Variants in SCG5 observed in about 807,000 individuals in gnomAD.
The protein encoded by SCG5 is neuroendocrine protein 7B2.
Under a neutral mutation model 25.7 loss-of-function variants are expected in SCG5, and 18 were observed. The observed-to-expected ratio is 0.70, with a 90% CI of 0.48 to 1.04. SCG5 has a LOEUF of 1.04. SCG5 is among the 50% of genes least tolerant of loss of function. SCG5 has a pLI of 0.00. For synonymous variants in SCG5, 101 were observed against 91.7 expected (o/e 1.10, Z -0.58); for missense variants, 206 against 259.8 (o/e 0.79, Z 1.42).
At chr15:32,669,869 GAAAA>G (rs150586292) in intron 2 of SCG5, among the ~76,000 whole-genome samples, 4 of 141,492 alleles carry the variant, frequency 2.8e-5, no homozygotes, top group Non-Finnish European at 6.2e-5. Flanking sequence ...CACCGCTTCA[GAAAA>G]AAAAAAAAAT....
At chr15:32,674,874 A>G (rs1346937850) in intron 2 of SCG5, among the ~76,000 whole-genome samples, 1 of 152,208 alleles carries the variant, frequency 6.6e-6, no homozygotes, top group Non-Finnish European at 1.5e-5. Flanking sequence ...GCAGATTTTT[A>G]TGGAGGGTTC....
At chr15:32,677,242 C>A (rs1265914541) in intron 2 of SCG5, among the ~76,000 whole-genome samples, 1 of 152,124 alleles carries the variant, frequency 6.6e-6, no homozygotes, top group Non-Finnish European at 1.5e-5. Context: ...GTAAACAAAA[C>A]AAGCGAACAA....
At chr15:32,693,162 C>G (rs746651962) in intron 5 of SCG5, among the ~76,000 whole-genome samples, 5 of 152,156 alleles carry the variant, frequency 3.3e-5, no homozygotes, top group Non-Finnish European at 5.9e-5. Flanking sequence ...AGAGCAATGA[C>G]TGACCCAAAA....
At chr15:32,653,705 TTTCTC>T (rs1367862607) in intron 2 of SCG5, among the ~76,000 whole-genome samples, 17 of 152,334 alleles carry the variant, frequency 1.1e-4, no homozygotes, top group African/African-American at 4.1e-4. Flanking sequence ...ACCTCAGTCT[TTTCTC>T]TTAACGTCTT....
At chr15:32,655,839 C>T (rs1213376082) in intron 2 of SCG5, among the ~76,000 whole-genome samples, 2 of 152,210 alleles carry the variant, frequency 1.3e-5, no homozygotes, top group Non-Finnish European at 2.9e-5. Context: ...ACTTCCCAGC[C>T]CCACAACTGT....
chr15:32,671,193 CTT>C (rs1419397516), intron 2 of SCG5, among the ~76,000 whole-genome samples: 1 of 152,182 alleles, frequency 6.6e-6, no homozygotes, highest in Non-Finnish European at 1.5e-5. Context: ...ATAAAAGCCT[CTT>C]TGTATAAAAA....
intron 2 of SCG5, among the ~76,000 whole-genome samples, chr15:32,667,243 G>T (rs1381076002): frequency 6.6e-6 from 1 of 152,134 alleles, no homozygotes; most frequent in Non-Finnish European, 1.5e-5. Flanking sequence ...ATATAAAGGG[G>T]ACTAGAACTG....
At chr15:32,688,963 A>AAAAAAAGAAAAAAAAAAAG (rs537262778) in intron 4 of SCG5, among the ~76,000 whole-genome samples, 1 of 140,304 alleles carries the variant, frequency 7.1e-6, no homozygotes, top group African/African-American at 2.7e-5. Flanking sequence ...CGTCTCAAAA[A>AAAAAAAGAAAAAAAAAAAG]AAAAAAAAAA....
chr15:32,651,518 T>C (rs2054030836), intron 2 of SCG5, among the ~76,000 whole-genome samples: 1 of 152,190 alleles, frequency 6.6e-6, no homozygotes, highest in African/African-American at 2.4e-5. Flanking sequence ...CTCTCTGCAG[T>C]TGGAGAAAGC....
At chr15:32,650,936 G>A (rs1308239541) in intron 2 of SCG5, among the ~76,000 whole-genome samples, 3 of 152,298 alleles carry the variant, frequency 2.0e-5, no homozygotes, top group South Asian at 4.1e-4. Context: ...GATGGCTCAC[G>A]CCTGTAATCC....
intron 2 of SCG5, among the ~76,000 whole-genome samples, chr15:32,679,052 C>G (rs2054572542): frequency 6.6e-6 from 1 of 152,188 alleles, no homozygotes; most frequent in African/African-American, 2.4e-5. Context: ...AATTGCCTTC[C>G]TTTCTTGACC....
intron 5 of SCG5, among the ~76,000 whole-genome samples, chr15:32,693,935 C>T (rs2054909959): frequency 6.6e-6 from 1 of 152,114 alleles, no homozygotes; most frequent in Non-Finnish European, 1.5e-5. Flanking sequence ...CATGGTGAAA[C>T]CCCATCTCTA....
intron 3 of SCG5, 25 bp from the exon 4 acceptor site, chr15:32,684,532 C>G (rs1567086839): frequency 6.8e-7 from 1 of 1,468,824 alleles, no homozygotes; most frequent in African/African-American, 1.4e-5. Context: ...TTGGCCGTTC[C>G]TCAAAAACCT....
intron 2 of SCG5, among the ~76,000 whole-genome samples, chr15:32,671,815 C>T (rs2054430051): frequency 6.6e-6 from 1 of 152,152 alleles, no homozygotes; most frequent in Non-Finnish European, 1.5e-5. Flanking sequence ...GGTGTCGCCT[C>T]AGGGAGTCCC....
At chr15:32,668,348 A>T (rs1210080398) in intron 2 of SCG5, among the ~76,000 whole-genome samples, 3 of 152,256 alleles carry the variant, frequency 2.0e-5, no homozygotes, top group African/African-American at 7.2e-5. Flanking sequence ...TCAGGTACGA[A>T]TTTGTAAGGC....
At chr15:32,650,301 C>T (rs2054013674) in intron 2 of SCG5, among the ~76,000 whole-genome samples, 1 of 152,138 alleles carries the variant, frequency 6.6e-6, no homozygotes. Context: ...CGGGGTTTCA[C>T]CATGTTAGCC....
At chr15:32,672,758 G>A (rs954509044) in intron 2 of SCG5, among the ~76,000 whole-genome samples, 2 of 152,102 alleles carry the variant, frequency 1.3e-5, no homozygotes, top group Non-Finnish European at 2.9e-5. Flanking sequence ...ATCCAAAATA[G>A]CACCAACTTG....
At chr15:32,692,131 G>A (rs2054869906) in intron 5 of SCG5, 1 of 1,086,170 alleles carries the variant, frequency 9.2e-7, no homozygotes, top group Non-Finnish European at 1.1e-6. Flanking sequence ...TCACACATCT[G>A]CATCAATTCT....
intron 4 of SCG5, among the ~76,000 whole-genome samples, chr15:32,691,372 A>G (rs1417247910): frequency 6.6e-6 from 1 of 152,200 alleles, no homozygotes; most frequent in Non-Finnish European, 1.5e-5. Flanking sequence ...AATAAATGAG[A>G]TAAAATCATT....
Sources: gnomAD v4.1 joint callset for allele counts (sites outside exome capture counted in the v4.1 genomes callset) on GRCh38, gnomAD v4.1.1 for gene constraint, MANE v1.5 for transcripts, NCBI Gene and HGNC (gene_info 2026-07-23, HGNC 2026-07-21) for gene names.